The following IL20RB variants were observed in gnomAD, a reference collection of about 807,000 sequenced individuals.
The protein encoded by IL20RB is interleukin-20 receptor subunit beta.
Under a neutral mutation model 33.3 loss-of-function variants are expected in IL20RB, and 21 were observed. The observed-to-expected ratio is 0.63, with a 90% CI of 0.45 to 0.91. IL20RB has a LOEUF of 0.91. Ranked by LOEUF, IL20RB falls within the 40% of genes least tolerant of loss-of-function variation. The pLI is 0.00. For synonymous variants in IL20RB, 147 were observed against 146.8 expected (o/e 1.00, Z -0.01); for missense variants, 345 against 384.8 (o/e 0.90, Z 0.86).
chr3:136,992,925 A>C (rs191768404), intron 5 of IL20RB, among the ~76,000 whole-genome samples: 4 of 152,296 alleles, frequency 2.6e-5, no homozygotes, highest in Non-Finnish European at 5.9e-5. Context: ...TAGTCCTATA[A>C]CATACACATT....
At chr3:136,980,283 A>G (rs775129515) in intron 1 of IL20RB, 183 bp from the exon 2 acceptor site, 1 of 627,268 alleles carries the variant, frequency 1.6e-6, no homozygotes, top group Admixed American at 3.1e-5. Context: ...GTTTATAAAC[A>G]TGTGAGGCTT....
At chr3:137,007,593 G>A (rs1391860895) in intron 6 of IL20RB, among the ~76,000 whole-genome samples, 1 of 152,242 alleles carries the variant, frequency 6.6e-6, no homozygotes, top group Non-Finnish European at 1.5e-5. Flanking sequence ...GACCTGCCGA[G>A]CCAGGCACGA....
At chr3:136,992,573 A>G (rs1466750304) in intron 5 of IL20RB, among the ~76,000 whole-genome samples, 2 of 152,222 alleles carry the variant, frequency 1.3e-5, no homozygotes, top group Non-Finnish European at 2.9e-5. Flanking sequence ...GAAAACCTAC[A>G]ATGTTTAAAA....
intron 1 of IL20RB, among the ~76,000 whole-genome samples, chr3:136,961,596 G>A (rs1353301107): frequency 6.6e-6 from 1 of 151,932 alleles, no homozygotes; most frequent in African/African-American, 2.4e-5. Flanking sequence ...GATTAAAAAA[G>A]GATGAGGGCC....
At chr3:137,007,948 G>A (rs9876131) in intron 6 of IL20RB, among the ~76,000 whole-genome samples, 48,650 of 151,778 alleles carry the variant, frequency 0.32, 8,703 homozygotes, top group Middle Eastern at 0.46. Flanking sequence ...AAAATCTAAA[G>A]CAAAACTATA....
chr3:137,001,166 C>G (rs769997370), intron 6 of IL20RB, among the ~76,000 whole-genome samples: 3 of 152,228 alleles, frequency 2.0e-5, no homozygotes, highest in Non-Finnish European at 4.4e-5. Flanking sequence ...GACTCTGTGA[C>G]AGTATGACCA....
chr3:136,981,037 T>A (rs2108197846), intron 2 of IL20RB, among the ~76,000 whole-genome samples: 1 of 152,292 alleles, frequency 6.6e-6, no homozygotes, highest in Non-Finnish European at 1.5e-5. Flanking sequence ...GTTCAGGTGC[T>A]TGCAGCTATT....
At chr3:136,994,519 A>G (rs1230869384) in intron 5 of IL20RB, among the ~76,000 whole-genome samples, 1 of 152,208 alleles carries the variant, frequency 6.6e-6, no homozygotes, top group Non-Finnish European at 1.5e-5. Flanking sequence ...TCATGGAAAC[A>G]ATGTACAGTG....
At chr3:136,995,915 T>C (rs927022793) in intron 6 of IL20RB, among the ~76,000 whole-genome samples, 2 of 152,136 alleles carry the variant, frequency 1.3e-5, no homozygotes, top group East Asian at 3.9e-4. Context: ...CTTCCCACAA[T>C]TGTAACAGCA....
At chr3:137,003,930 C>A (rs1478150358) in intron 6 of IL20RB, among the ~76,000 whole-genome samples, 1 of 152,058 alleles carries the variant, frequency 6.6e-6, no homozygotes, top group East Asian at 1.9e-4. Flanking sequence ...TTTTGAGTTA[C>A]GTTCCATCAG....
intron 1 of IL20RB, among the ~76,000 whole-genome samples, chr3:136,958,498 A>G (rs1212968404): frequency 2.0e-5 from 3 of 152,260 alleles, no homozygotes; most frequent in Non-Finnish European, 4.4e-5. Flanking sequence ...CTGGTTTTAT[A>G]TAGTGCAATG....
At chr3:136,987,017 G>A (rs1432312123) in intron 3 of IL20RB, among the ~76,000 whole-genome samples, 8 of 151,302 alleles carry the variant, frequency 5.3e-5, no homozygotes, top group South Asian at 2.1e-4. Context: ...AGACCTTCGC[G>A]GTGAGTGTTA....
At position 136,975,728 on chromosome 3, in the gene IL20RB, G is replaced by T. The variant is rs183627961; in HGVS notation, c.89-4738G>T. On this transcript the variant is annotated intron_variant, in intron 1 of 6. Coordinates refer to ENST00000329582, the MANE Select transcript of IL20RB (RefSeq NM_144717.4). Reference sequence around the variant, plus strand: ...TTAGGGTACAGTTATTGGAGTCTGTGGTGAAGTTGTGCTGTGGGATGCCAG... The same window carrying T: ...TTAGGGTACAGTTATTGGAGTCTGTTGTGAAGTTGTGCTGTGGGATGCCAG... Among the ~76,000 whole-genome samples, 12 of 152,328 alleles carry T rather than the reference G, an allele frequency of 7.9e-5. No homozygotes were observed. In the East Asian group the frequency reaches 2.3e-3, roughly 29 times the overall value.
chr3:136,960,973 A>G (rs1941202922), intron 1 of IL20RB, among the ~76,000 whole-genome samples: 1 of 152,236 alleles, frequency 6.6e-6, no homozygotes, highest in Non-Finnish European at 1.5e-5. Context: ...AAGAGATGCA[A>G]AGATTTTTGC....
intron 6 of IL20RB, among the ~76,000 whole-genome samples, chr3:137,002,035 C>T (rs1486421923): frequency 2.0e-5 from 3 of 152,010 alleles, no homozygotes; most frequent in Non-Finnish European, 4.4e-5. Flanking sequence ...TTTGGTTTTC[C>T]GTCCTTGTGA....
chr3:137,002,893 A>G (rs1307780972), intron 6 of IL20RB, among the ~76,000 whole-genome samples: 1 of 152,168 alleles, frequency 6.6e-6, no homozygotes, highest in African/African-American at 2.4e-5. Flanking sequence ...TAGGACTTTT[A>G]TGGCTTTAGG....
intron 6 of IL20RB, among the ~76,000 whole-genome samples, chr3:137,008,104 C>T (rs74982153): frequency 9.3e-4 from 142 of 152,240 alleles, no homozygotes; most frequent in Non-Finnish European, 7.4e-4. Flanking sequence ...CTGTGACTCA[C>T]TTTATTCTTT....
At chr3:137,008,161 A>G (rs552470243) in intron 6 of IL20RB, among the ~76,000 whole-genome samples, 2 of 152,278 alleles carry the variant, frequency 1.3e-5, no homozygotes, top group South Asian at 4.1e-4. Flanking sequence ...GCAAGCATAA[A>G]GATGGTCCCA....
intron 6 of IL20RB, 77 bp downstream of exon 6, chr3:136,995,633 A>C: frequency 7.5e-7 from 1 of 1,329,802 alleles, no homozygotes; most frequent in Non-Finnish European, 1.1e-6. Flanking sequence ...GCATGGGCAC[A>C]TGTTTCCATG....
Sources: allele counts gnomAD v4.1 joint callset (sites outside exome capture counted in the v4.1 genomes callset), GRCh38; gene constraint gnomAD v4.1.1; transcripts MANE v1.5; gene names NCBI Gene and HGNC (gene_info 2026-07-23, HGNC 2026-07-21).